The following ACVR1 variants were observed in gnomAD, a reference collection of about 807,000 sequenced individuals.
The protein encoded by ACVR1 is activin A receptor type 1, also known as activin receptor type-1.
ACVR1 carries 38 observed loss-of-function variants against 57.1 expected under a neutral mutation model. That is an observed-to-expected ratio of 0.67 (90% CI 0.51 to 0.87). The LOEUF (loss-of-function observed/expected upper bound fraction) is 0.87. Ranked by LOEUF, ACVR1 falls within the 40% of genes least tolerant of loss-of-function variation. ACVR1 has a pLI of 0.00. For missense variants in ACVR1, 463 were observed against 638.2 expected, an observed-to-expected ratio of 0.73 and a Z score of 2.96; for synonymous variants, 212 against 228.1, an observed-to-expected ratio of 0.93 and a Z score of 0.63.
rs1690284533 is a variant in ACVR1 at position 157,876,089 on chromosome 2, C to G, written c.-476G>C. 7.2e-6 allele frequency among the ~76,000 whole-genome samples: 1 copy of G among 139,696 alleles called. No individual in the cohort carries two copies. The highest frequency in any genetic ancestry group is 2.1e-4 in the East Asian group (1 of 4,676). The allele number at this position is 139,696 out of a possible 152,430, so 91.6% of individuals were successfully genotyped here. On this transcript the variant is annotated 5_prime_UTR_variant, in exon 1 of 11. Transcript: ENST00000434821. ...GCGGCAGCGGCGGCAGCGGCAGCCA[C>G]CCGGGGGAAAGAGCCGGGGGAGGGC...
intron 10 of ACVR1, among the ~76,000 whole-genome samples, 199 bp downstream of exon 10, chr2:157,738,241 A>G (rs1440076147): frequency 2.9e-4 from 44 of 152,204 alleles, no homozygotes; most frequent in Admixed American, 2.9e-3. Flanking sequence ...AGCAACCCCT[A>G]TGAGATATGG....
chr2:157,765,744 T>C (rs963425497), intron 8 of ACVR1, among the ~76,000 whole-genome samples, 177 bp downstream of exon 8: 8 of 152,158 alleles, frequency 5.3e-5, no homozygotes, highest in Non-Finnish European at 8.8e-5. Flanking sequence ...TGCTTAAGGA[T>C]AGTAAAATGT....
chr2:157,858,075 C>T (rs1689595947), intron 1 of ACVR1, among the ~76,000 whole-genome samples: 1 of 152,040 alleles, frequency 6.6e-6, no homozygotes, highest in Non-Finnish European at 1.5e-5. Context: ...GTGGTCTCCT[C>T]CCTCTCAACC....
intron 1 of ACVR1, among the ~76,000 whole-genome samples, chr2:157,839,244 T>C (rs1688893595): frequency 6.6e-6 from 1 of 152,200 alleles, no homozygotes; most frequent in Non-Finnish European, 1.5e-5. Context: ...GAGTAAGCAC[T>C]GGCCTCTCTC....
intron 2 of ACVR1, among the ~76,000 whole-genome samples, chr2:157,808,932 T>C (rs1461661294): frequency 6.6e-6 from 1 of 151,250 alleles, no homozygotes; most frequent in Non-Finnish European, 1.5e-5. Flanking sequence ...AGATGTTATC[T>C]TTTCAGGAGG....
chr2:157,792,776 A>C (rs1686967546), intron 3 of ACVR1, among the ~76,000 whole-genome samples: 1 of 152,250 alleles, frequency 6.6e-6, no homozygotes, highest in African/African-American at 2.4e-5. Flanking sequence ...TTACTGTTTC[A>C]TGAAATTTTC....
chr2:157,847,391 T>A (rs993977328), intron 1 of ACVR1, among the ~76,000 whole-genome samples: 3 of 152,174 alleles, frequency 2.0e-5, no homozygotes, highest in Non-Finnish European at 4.4e-5. Context: ...CAAAAAAAGC[T>A]ACTCTCTTTT....
Position 157,857,028 on chromosome 2 carries a change from G to A in ACVR1, c.-183+18768C>T, listed in dbSNP as rs1052500701. 1.1e-4 allele frequency among the ~76,000 whole-genome samples: 16 copies of A among 151,938 alleles called. 1 individual carries two copies. The highest frequency in any genetic ancestry group is 3.1e-4 in the African/African-American group (13 of 41,364). The stretch of plus-strand genomic sequence containing the variant: ...ACCCTGGGCAACATGGTGAAATCCC[G>A]CTTCTATAAAAAATACAAAAATTAG... On this transcript the variant is annotated intron_variant, in intron 1 of 10. Coordinates refer to ENST00000434821, the MANE Select transcript of ACVR1 (RefSeq NM_001111067.4).
intron 3 of ACVR1, among the ~76,000 whole-genome samples, chr2:157,785,850 C>T (rs1686693292): frequency 6.6e-6 from 1 of 152,172 alleles, no homozygotes; most frequent in Non-Finnish European, 1.5e-5. Flanking sequence ...CAGGAAATGG[C>T]ATTCCCATTC....
chr2:157,862,453 A>ACG (rs927565524), intron 1 of ACVR1, among the ~76,000 whole-genome samples: 2 of 149,154 alleles, frequency 1.3e-5, no homozygotes, highest in Admixed American at 6.7e-5. Context: ...ACACACACAC[A>ACG]CACACAGAGT....
chr2:157,827,902 A>G (rs892984422), intron 1 of ACVR1, among the ~76,000 whole-genome samples: 1 of 152,196 alleles, frequency 6.6e-6, no homozygotes, highest in Non-Finnish European at 1.5e-5. Context: ...ACTATAAAGA[A>G]AGAGCAGTGG....
intron 1 of ACVR1, among the ~76,000 whole-genome samples, chr2:157,871,819 C>T (rs1468740859): frequency 1.3e-5 from 2 of 152,202 alleles, no homozygotes; most frequent in African/African-American, 4.8e-5. Flanking sequence ...GAAAAGGAAG[C>T]TGCCGAATAT....
chr2:157,869,091 C>T (rs1408078987), intron 1 of ACVR1, among the ~76,000 whole-genome samples: 2 of 152,166 alleles, frequency 1.3e-5, no homozygotes, highest in Non-Finnish European at 2.9e-5. Flanking sequence ...AAGTCAACAA[C>T]CTCTTCAAGT....
At chr2:157,855,916 G>A (rs916980538) in intron 1 of ACVR1, among the ~76,000 whole-genome samples, 21 of 151,924 alleles carry the variant, frequency 1.4e-4, no homozygotes, top group African/African-American at 4.8e-4. Context: ...TAACTCATCC[G>A]CCTAAATCTC....
At chr2:157,807,965 C>A (rs1687620728) in intron 2 of ACVR1, among the ~76,000 whole-genome samples, 1 of 150,868 alleles carries the variant, frequency 6.6e-6, no homozygotes, top group Non-Finnish European at 1.5e-5. Flanking sequence ...CTGAGAGACA[C>A]TGGAGCACTT....
rs552239569 is a variant in ACVR1 at position 157,736,874 on chromosome 2, A to C, written c.*657T>G. The C allele has an allele frequency of 7.7e-5, 25 of 325,274 alleles. No homozygotes were observed. The highest frequency in any genetic ancestry group is 5.8e-4 in the South Asian group (4 of 6,950). The allele number at this position is 325,274 out of a possible 1,614,324, so 20.1% of individuals were successfully genotyped here. The stretch of plus-strand genomic sequence containing the variant: ...CAGTTTTGTAAAAACTACTAAGTGC[A>C]CAAGTAATAAATAATTTGCAAAGTT... On this transcript the variant is annotated 3_prime_UTR_variant, in exon 11 of 11. Transcript: ENST00000434821.
intron 1 of ACVR1, among the ~76,000 whole-genome samples, chr2:157,845,448 C>T (rs1273503195): frequency 6.6e-6 from 1 of 152,122 alleles, no homozygotes; most frequent in Non-Finnish European, 1.5e-5. Flanking sequence ...TGCCACAAAC[C>T]AGGAAACACC....
rs1686027022 is a variant in ACVR1, at chr2:157,770,400, T to C, written c.758A>G (p.Asn253Ser). 6.2e-7 allele frequency: 1 copy of C among 1,614,026 alleles called. No individual in the cohort carries two copies. The highest frequency in any genetic ancestry group is 8.5e-7 in the Non-Finnish European group (1 of 1,179,996). Residue 253 changes from asparagine (N) to serine (S), a missense_variant, in exon 7 of 11, where the codon AAC becomes AGC. Coordinates refer to ENST00000434821, the MANE Select transcript of ACVR1 (RefSeq NM_001111067.4). ...ATTTTCATGCCTCAGCATCACAGTGTTGTACAATTCCGTTTCCCTGAACCA... is the reference window on the plus strand; with the variant it reads ...ATTTTCATGCCTCAGCATCACAGTGCTGTACAATTCCGTTTCCCTGAACCA... ...KSWFRETELY[N>S]TVMLRHENIL...
chr2:157,851,463 A>G (rs751371799), intron 1 of ACVR1, among the ~76,000 whole-genome samples: 1 of 152,146 alleles, frequency 6.6e-6, no homozygotes, highest in Non-Finnish European at 1.5e-5. Flanking sequence ...AAGTATGAGC[A>G]ACAAGGCAGG....
Sources: allele counts gnomAD v4.1 joint callset (sites outside exome capture counted in the v4.1 genomes callset), GRCh38; gene constraint gnomAD v4.1.1; transcripts MANE v1.5; gene names NCBI Gene and HGNC (gene_info 2026-07-23, HGNC 2026-07-21).